The following BAHCC1 variants were observed in gnomAD, a reference collection of about 807,000 sequenced individuals.
The protein encoded by BAHCC1 is BAH and coiled-coil domain-containing protein 1.
In BAHCC1, 43 loss-of-function variants were observed where a neutral mutation model predicts 88.2. The ratio of observed to expected loss-of-function variants is 0.49; its 90% CI spans 0.38 to 0.63. The LOEUF (loss-of-function observed/expected upper bound fraction) is 0.63, where lower values mean the gene tolerates loss of function less well. Among genes scored for constraint, BAHCC1 ranks in the 20% least tolerant of loss-of-function variants. The pLI, the probability that BAHCC1 is intolerant of heterozygous loss-of-function variation, is 0.00. For missense variants in BAHCC1, 3,023 were observed against 1,654.8 expected (o/e 1.83, Z -14.34); for synonymous variants, 1,510 against 745.5 (o/e 2.03, Z -16.71).
chr17:81,436,528 G>A lies in BAHCC1; in HGVS notation c.359-1842G>A, dbSNP rs2064338845. ...CATTTAACAGCAGCCAATTAAAGGGGGACAGCTGTGGAGGTTTAACAGTAC... is the reference window on the plus strand; with the variant it reads ...CATTTAACAGCAGCCAATTAAAGGGAGACAGCTGTGGAGGTTTAACAGTAC... On this transcript the variant is annotated intron_variant, in intron 3 of 27. Coordinates refer to ENST00000675386, the MANE Select transcript of BAHCC1 (RefSeq NM_001377448.1). Among the ~76,000 whole-genome samples, 5 of 152,186 alleles carry A rather than the reference G, an allele frequency of 3.3e-5. No individual in the cohort carries two copies. The South Asian group carries it at 8.3e-4, about 25-fold the overall frequency.
At position 81,442,795 on chromosome 17, in the gene BAHCC1, A is replaced by C. The variant is rs1264265969; in HGVS notation, c.1446A>C (p.Gly482=). The C allele has an allele frequency of 6.4e-6, 5 of 779,360 alleles. No individual in the cohort carries two copies. The African/African-American group carries it at 8.5e-5, about 13-fold the overall frequency. 48.3% of individuals were successfully genotyped at this position (779,360 alleles called of 1,614,324 possible). A position where few individuals can be genotyped will look rare whatever the true frequency, so the allele number is the denominator to read the frequency against. ...CAGGCCCCGAGGCCTCCTTCCCCGGACTCCCTAAAAGCGGTCTGGACAAAA... is the reference window on the plus strand; with the variant it reads ...CAGGCCCCGAGGCCTCCTTCCCCGGCCTCCCTAAAAGCGGTCTGGACAAAA... ...SSAGPEASFP[G]LPKSGLDKSG... The change falls in exon 5 of 28, where the codon GGA becomes GGC. Residue 482 remains glycine, a synonymous_variant. Coordinates refer to ENST00000675386, the MANE Select transcript of BAHCC1 (RefSeq NM_001377448.1).
chr17:81,422,296 C>G (rs2143365100), intron 2 of BAHCC1, among the ~76,000 whole-genome samples: 1 of 152,370 alleles, frequency 6.6e-6, no homozygotes, highest in African/African-American at 2.4e-5. Flanking sequence ...CAGGCGTGAG[C>G]CACCGTGTCT....
intron 2 of BAHCC1, chr17:81,401,727 G>A (rs1043208830): frequency 6.6e-6 from 1 of 152,264 alleles, no homozygotes; most frequent in Non-Finnish European, 1.5e-5. Flanking sequence ...GACAGAGACA[G>A]GGGCCCCTGA....
chr17:81,398,313 A>G (rs933302882), intron 1 of BAHCC1, among the ~76,000 whole-genome samples: 5 of 152,156 alleles, frequency 3.3e-5, no homozygotes, highest in African/African-American at 9.7e-5. Flanking sequence ...ATTGTCCCCA[A>G]TTTCGCCTGA....
chr17:81,415,236 G>GTT (rs2064004989), intron 2 of BAHCC1, among the ~76,000 whole-genome samples: 1 of 152,236 alleles, frequency 6.6e-6, no homozygotes. Flanking sequence ...TGGACCCTGG[G>GTT]TTTGCCCATG....
chr17:81,449,788 C>A (rs1555655376), intron 11 of BAHCC1, among the ~76,000 whole-genome samples: 1 of 152,176 alleles, frequency 6.6e-6, no homozygotes, highest in South Asian at 2.1e-4. Flanking sequence ...AGCTTTGCAC[C>A]CCAGCATCTG....
chr17:81,455,119 G>A (rs1370542700), intron 14 of BAHCC1, 148 bp from the exon 15 acceptor site: 10 of 607,852 alleles, frequency 1.6e-5, no homozygotes. Flanking sequence ...GGCCCCCGGG[G>A]CCCCTCACCC....
At chr17:81,437,471 C>A (rs1555651894) in intron 3 of BAHCC1, among the ~76,000 whole-genome samples, 1 of 152,248 alleles carries the variant, frequency 6.6e-6, no homozygotes. Flanking sequence ...TCTGCAGCCC[C>A]TGGGCTGGGT....
At chr17:81,433,950 C>A (rs899056068) in intron 3 of BAHCC1, among the ~76,000 whole-genome samples, 1 of 152,200 alleles carries the variant, frequency 6.6e-6, no homozygotes, top group African/African-American at 2.4e-5. Context: ...GAGTTGCGGG[C>A]GGGTGGAGGC....
chr17:81,458,495 G>C, intron 18 of BAHCC1, 29 bp downstream of exon 18: 1 of 676,008 alleles, frequency 1.5e-6, no homozygotes. Flanking sequence ...GTGCTGGGCG[G>C]AGAGGGTGGG....
At chr17:81,462,201 C>T (rs1240939511) in intron 26 of BAHCC1, among the ~76,000 whole-genome samples, 155 bp downstream of exon 26, 14 of 152,256 alleles carry the variant, frequency 9.2e-5, no homozygotes, top group African/African-American at 2.7e-4. Context: ...AAGACCCATC[C>T]ATGACCCAGT....
chr17:81,405,416 G>A (rs1229763818), intron 2 of BAHCC1, among the ~76,000 whole-genome samples: 6 of 152,144 alleles, frequency 3.9e-5, no homozygotes, highest in East Asian at 3.8e-4. Context: ...CTTCCCAGGA[G>A]TTTTAAACAT....
intron 2 of BAHCC1, among the ~76,000 whole-genome samples, chr17:81,416,439 C>CGTGT (rs36171726): frequency 1.1e-4 from 3 of 26,240 alleles, no homozygotes; most frequent in East Asian, 4.4e-3. Flanking sequence ...GGTGTATGTG[C>CGTGT]GTGTGTGTGT....
At position 81,399,253 on chromosome 17, in the gene BAHCC1, G is replaced by A. The variant is rs1375920276; in HGVS notation, c.-206-281G>A. ...CCTAGCTGCAGGGACCCGCGGGGAC[G>A]AGAACGGGAGGCGGCGAGCAGTGCG... On this transcript the variant is annotated intron_variant, in intron 1 of 27. Transcript: ENST00000675386. This position sits in a 1 kb window ranked among gnomAD's most constrained non-coding sequence, Gnocchi z 4.5. The A allele has an allele frequency of 2.5e-6, 1 of 400,396 alleles. No homozygotes were observed. Among genetic ancestry groups the A allele is most frequent in the South Asian group, 1.7e-5 (1 of 59,346 alleles). 24.8% of individuals were successfully genotyped at this position (400,396 alleles called of 1,614,324 possible). A position where few individuals can be genotyped will look rare whatever the true frequency, so the allele number is the denominator to read the frequency against.
At chr17:81,451,394 T>C (rs1236861140) in intron 11 of BAHCC1, among the ~76,000 whole-genome samples, 1 of 152,200 alleles carries the variant, frequency 6.6e-6, no homozygotes, top group Non-Finnish European at 1.5e-5. Context: ...CTTCGATGCT[T>C]TGGGGCCTGT....
chr17:81,442,558 C>T lies in BAHCC1; in HGVS notation c.1209C>T (p.Asp403=), dbSNP rs782208958. The change falls in exon 5 of 28, where the codon GAC becomes GAT. Residue 403 remains aspartate (D), a synonymous_variant. Coordinates refer to ENST00000675386, the MANE Select transcript of BAHCC1 (RefSeq NM_001377448.1). The part of the protein sequence containing the change: ...TFVPSVGHLA[D]KGRPFQAAEA... The stretch of plus-strand genomic sequence containing the variant: ...TGCCTTCTGTGGGACACCTGGCCGA[C>T]AAGGGCCGCCCCTTCCAGGCCGCCG... 4 of 745,902 alleles carry T rather than the reference C, an allele frequency of 5.4e-6. No homozygotes were observed. In the East Asian group the frequency reaches 9.8e-5, roughly 18 times the overall value. 46.2% of individuals were successfully genotyped at this position (745,902 alleles called of 1,614,324 possible).
chr17:81,401,566 G>C (rs2063817294), intron 2 of BAHCC1: 1 of 152,600 alleles, frequency 6.6e-6, no homozygotes, highest in South Asian at 2.1e-4. Context: ...GGGCGCTGAG[G>C]CTGGGGCCGC....
chr17:81,407,839 C>T (rs2063899981), intron 2 of BAHCC1, among the ~76,000 whole-genome samples: 1 of 152,234 alleles, frequency 6.6e-6, no homozygotes, highest in African/African-American at 2.4e-5. Flanking sequence ...GGCAGGTGTT[C>T]ACCTGCACAC....
intron 2 of BAHCC1, among the ~76,000 whole-genome samples, chr17:81,421,346 G>T (rs544410703): frequency 2.6e-5 from 4 of 152,244 alleles, no homozygotes; most frequent in Admixed American, 6.5e-5. Context: ...CGGCGGGGGG[G>T]CTGGGGAGGT....
Sources: allele counts gnomAD v4.1 joint callset (sites outside exome capture counted in the v4.1 genomes callset), GRCh38; gene constraint gnomAD v4.1.1; non-coding constraint Gnocchi (gnomAD v3.1); transcripts MANE v1.5; gene names NCBI Gene and HGNC (gene_info 2026-07-23, HGNC 2026-07-21).